CBR4: variants seen among roughly 807,000 people sequenced by gnomAD.
The protein encoded by CBR4 is 3-oxoacyl-[acyl-carrier-protein] reductase.
A neutral mutation model predicts 21.0 loss-of-function variants in CBR4; 22 were observed. The observed-to-expected ratio is 1.05, with a 90% CI of 0.75 to 1.50. The LOEUF (loss-of-function observed/expected upper bound fraction) is 1.50, where lower values mean the gene tolerates loss of function less well. Among genes scored for constraint, CBR4 ranks in the 40% most tolerant of loss-of-function variants. CBR4 has a pLI of 0.00. For synonymous variants in CBR4, 100 were observed against 104.4 expected, an observed-to-expected ratio of 0.96 and a Z score of 0.26; for missense variants, 302 against 286.3, an observed-to-expected ratio of 1.05 and a Z score of -0.40.
At chr4:168,976,324 TCTA>T (rs537633693) in intron 2 of CBR4, among the ~76,000 whole-genome samples, 158 of 152,306 alleles carry the variant, frequency 1.0e-3, no homozygotes, top group Non-Finnish European at 1.8e-3. Flanking sequence ...TGCTGCTTCT[TCTA>T]CTTTTATATT....
intron 2 of CBR4, among the ~76,000 whole-genome samples, chr4:168,974,312 C>T (rs536680584): frequency 4.6e-5 from 7 of 152,262 alleles, no homozygotes; most frequent in African/African-American, 1.7e-4. Flanking sequence ...TATAGATTAC[C>T]TGATGCTTTT....
At chr4:168,915,075 TC>T (rs1759831729) in intron 2 of CBR4, among the ~76,000 whole-genome samples, 1 of 152,200 alleles carries the variant, frequency 6.6e-6, no homozygotes, top group Admixed American at 6.5e-5. Context: ...TATCAGTGGG[TC>T]CTGGAAAGCT....
intron 2 of CBR4, chr4:168,903,946 G>T: frequency 6.4e-7 from 1 of 1,560,688 alleles, no homozygotes; most frequent in Non-Finnish European, 8.8e-7. Context: ...TCTGTGTCTA[G>T]TGCTTACAGG....
intron 2 of CBR4, among the ~76,000 whole-genome samples, chr4:168,904,694 G>A (rs1582048911): frequency 1.3e-5 from 2 of 152,050 alleles, no homozygotes; most frequent in East Asian, 1.9e-4. Context: ...AAAAGGCATG[G>A]TAAAATGAGC....
chr4:168,960,346 C>G (rs2126725022), intron 2 of CBR4, among the ~76,000 whole-genome samples: 1 of 152,228 alleles, frequency 6.6e-6, no homozygotes, highest in South Asian at 2.1e-4. Flanking sequence ...GGAGGAGAAA[C>G]ATGGAACCAT....
chr4:168,966,908 C>T, intron 2 of CBR4, among the ~76,000 whole-genome samples: 1 of 151,822 alleles, frequency 6.6e-6, no homozygotes, highest in East Asian at 1.9e-4. Context: ...GTCCCAGCTA[C>T]TCAGGAGGCT....
chr4:168,903,404 A>G (rs563873937), intron 2 of CBR4, among the ~76,000 whole-genome samples: 272 of 152,308 alleles, frequency 1.8e-3, no homozygotes, highest in Non-Finnish European at 3.2e-3. Context: ...GCCTTCATAG[A>G]AGGCCACTTC....
intron 2 of CBR4, among the ~76,000 whole-genome samples, chr4:168,942,818 C>CG (rs889878909): frequency 1.3e-5 from 2 of 151,886 alleles, no homozygotes; most frequent in Non-Finnish European, 1.5e-5. Context: ...GGGATCTGAA[C>CG]GGATATTTCA....
At chr4:168,926,110 G>A in intron 2 of CBR4, 1 of 945,092 alleles carries the variant, frequency 1.1e-6, no homozygotes, top group East Asian at 2.7e-5. Flanking sequence ...GATGTGTTCA[G>A]GTGCCTTGCA....
chr4:168,906,020 G>T (rs1351457779), intron 2 of CBR4, among the ~76,000 whole-genome samples: 12 of 151,820 alleles, frequency 7.9e-5, no homozygotes, highest in African/African-American at 2.9e-4. Context: ...TATATTTTCA[G>T]TGCATTTCCT....
chr4:168,901,603 A>G (rs1460058569), intron 2 of CBR4, among the ~76,000 whole-genome samples: 2 of 152,220 alleles, frequency 1.3e-5, no homozygotes, highest in East Asian at 3.8e-4. Context: ...CACACCTGGA[A>G]TCCCAGCACT....
chr4:168,938,958 C>T (rs2126673673), intron 2 of CBR4, among the ~76,000 whole-genome samples: 1 of 152,254 alleles, frequency 6.6e-6, no homozygotes, highest in East Asian at 1.9e-4. Context: ...AGGCCAGCAT[C>T]ATCCTGATAC....
At chr4:168,904,247 A>T in intron 2 of CBR4, 1 of 274,800 alleles carries the variant, frequency 3.6e-6, no homozygotes, top group Admixed American at 4.5e-5. Context: ...TTCAGGTAGG[A>T]TTACATGAAG....
At position 169,002,056 on chromosome 4, in the gene CBR4, A is replaced by G. The variant is rs1331236861; in HGVS notation, c.535+15T>C. ...ATAATCATAATCAAGTTATTTTAAT[A>G]AAGTTTTCACTAACCTGGTGCAACT... is the stretch of plus-strand genomic sequence containing the variant. On this transcript the variant is annotated intron_variant, in intron 4 of 4. Coordinates refer to ENST00000306193, the MANE Select transcript of CBR4 (RefSeq NM_032783.5). 1.3e-6 allele frequency: 2 copies of G among 1,539,118 alleles called. No homozygotes were observed. The highest frequency in any genetic ancestry group is 1.4e-5 in the African/African-American group (1 of 71,262).
chr4:168,928,457 A>G (rs947595847), intron 2 of CBR4: 7 of 176,772 alleles, frequency 4.0e-5, no homozygotes. Context: ...ATTCAGTTTT[A>G]GTTTTCTGTT....
At chr4:168,982,211 G>C (rs1187165129) in intron 2 of CBR4, among the ~76,000 whole-genome samples, 2 of 152,134 alleles carry the variant, frequency 1.3e-5, no homozygotes, top group Admixed American at 1.3e-4. Flanking sequence ...TCAAAGTTAA[G>C]GGATGGAAGA....
intron 2 of CBR4, among the ~76,000 whole-genome samples, chr4:168,952,460 T>A (rs995917412): frequency 6.6e-6 from 1 of 152,274 alleles, no homozygotes; most frequent in South Asian, 2.1e-4. Flanking sequence ...GCTGCTGACC[T>A]AGTGTGATTT....
chr4:168,906,813 A>G (rs1333225794), intron 2 of CBR4, among the ~76,000 whole-genome samples: 2 of 152,294 alleles, frequency 1.3e-5, no homozygotes, highest in South Asian at 2.1e-4. Flanking sequence ...TAGAAAATAA[A>G]TGTAATCTTA....
chr4:168,945,540 G>C (rs992291651), intron 2 of CBR4, among the ~76,000 whole-genome samples: 56 of 152,122 alleles, frequency 3.7e-4, no homozygotes, highest in African/African-American at 1.3e-3. Flanking sequence ...TACTGCTTCA[G>C]CAGAGGCAGC....
Sources: gnomAD v4.1 joint callset for allele counts (sites outside exome capture counted in the v4.1 genomes callset) on GRCh38, gnomAD v4.1.1 for gene constraint, MANE v1.5 for transcripts, NCBI Gene and HGNC (gene_info 2026-07-23, HGNC 2026-07-21) for gene names.